The following POU6F2 variants were observed in gnomAD, a reference collection of about 807,000 sequenced individuals.
POU6F2 encodes POU class 6 homeobox 2.
Under a neutral mutation model 71.3 loss-of-function variants are expected in POU6F2, and 31 were observed. The observed-to-expected ratio is 0.43, with a 90% confidence interval of 0.33 to 0.59. POU6F2 has a LOEUF of 0.59. POU6F2 is among the 20% of genes least tolerant of loss of function. The pLI, the probability that POU6F2 is intolerant of heterozygous loss-of-function variation, is 0.04. For missense variants in POU6F2, 783 were observed against 856.8 expected (o/e 0.91, Z 1.07); for synonymous variants, 347 against 355.7 (o/e 0.98, Z 0.27).
chr7:39,226,685 T>C (rs1212913151), intron 4 of POU6F2, among the ~76,000 whole-genome samples: 1 of 152,204 alleles, frequency 6.6e-6, no homozygotes, highest in Non-Finnish European at 1.5e-5. Flanking sequence ...ATTTATATCT[T>C]CCTGAAAGTA....
chr7:39,027,044 T>C (rs1584506860), intron 1 of POU6F2, among the ~76,000 whole-genome samples: 1 of 152,168 alleles, frequency 6.6e-6, no homozygotes, highest in African/African-American at 2.4e-5. Flanking sequence ...AACTTTCTGA[T>C]GATTGAAAGT....
chr7:39,397,641 C>T lies in POU6F2; in HGVS notation c.973-8959C>T, dbSNP rs369056356. On this transcript the variant is annotated intron_variant, in intron 5 of 9. Coordinates refer to ENST00000518318, the MANE Select transcript of POU6F2 (RefSeq NM_001370959.1). ...CCGAGTAGCTAGGATTACAGGCACA[C>T]GCCACCACACCCAGCTAAATTTTGT... Among the ~76,000 whole-genome samples, 30 of 142,458 alleles carry T rather than the reference C, an allele frequency of 2.1e-4. No individual in the cohort carries two copies. The East Asian group carries it at 3.6e-3, about 17-fold the overall frequency. 93.5% of individuals were successfully genotyped at this position (142,458 alleles called of 152,430 possible).
intron 2 of POU6F2, among the ~76,000 whole-genome samples, chr7:39,182,359 T>C (rs1369769374): frequency 3.3e-5 from 5 of 152,236 alleles, no homozygotes; most frequent in Non-Finnish European, 7.3e-5. Context: ...ATCTAACCTG[T>C]TTTGCCTGTT....
chr7:39,438,363 T>G (rs891337636), intron 7 of POU6F2, among the ~76,000 whole-genome samples: 8 of 152,206 alleles, frequency 5.3e-5, no homozygotes, highest in African/African-American at 1.9e-4. Context: ...ACATTTGGGT[T>G]GTTCCAAGTC....
chr7:39,280,043 C>A (rs555453654), intron 4 of POU6F2, among the ~76,000 whole-genome samples: 2 of 152,166 alleles, frequency 1.3e-5, no homozygotes, highest in African/African-American at 4.8e-5. Flanking sequence ...CCGTGCCCAG[C>A]CCAAATTTTC....
At chr7:39,054,182 A>T (rs1400482167) in intron 1 of POU6F2, among the ~76,000 whole-genome samples, 1 of 152,156 alleles carries the variant, frequency 6.6e-6, no homozygotes, top group Non-Finnish European at 1.5e-5. Flanking sequence ...TTAGTATCAA[A>T]ACTACCACAA....
At chr7:39,428,280 CTT>C (rs1165952571) in intron 6 of POU6F2, among the ~76,000 whole-genome samples, 1 of 152,142 alleles carries the variant, frequency 6.6e-6, no homozygotes, top group African/African-American at 2.4e-5. Context: ...GACTTATGCT[CTT>C]AACTCATTTA....
chr7:39,129,205 G>T (rs753871294), intron 2 of POU6F2, among the ~76,000 whole-genome samples: 2 of 152,148 alleles, frequency 1.3e-5, no homozygotes, highest in Non-Finnish European at 2.9e-5. Flanking sequence ...TTAGGAGAAT[G>T]GCTTTCTCCT....
intron 4 of POU6F2, among the ~76,000 whole-genome samples, chr7:39,319,160 T>C (rs560352251): frequency 2.0e-5 from 3 of 152,148 alleles, no homozygotes; most frequent in Non-Finnish European, 4.4e-5. Context: ...CCAATTTGAT[T>C]TGAGGTTTCA....
intron 1 of POU6F2, among the ~76,000 whole-genome samples, chr7:38,995,171 T>C (rs1338934821): frequency 2.0e-5 from 3 of 152,234 alleles, no homozygotes; most frequent in African/African-American, 7.2e-5. Flanking sequence ...AAGTACTAAG[T>C]TGCTTTCCAG....
At chr7:38,981,931 CA>C (rs1409739628) in intron 1 of POU6F2, among the ~76,000 whole-genome samples, 1 of 152,128 alleles carries the variant, frequency 6.6e-6, no homozygotes, top group Non-Finnish European at 1.5e-5. Context: ...GTTATAGCAT[CA>C]AAACAATTAA....
At chr7:39,256,137 CTTT>C (rs36038117) in intron 4 of POU6F2, among the ~76,000 whole-genome samples, 2 of 147,748 alleles carry the variant, frequency 1.4e-5, no homozygotes, top group Non-Finnish European at 3.0e-5. Flanking sequence ...TGATACACTG[CTTT>C]TTTTTTTTTT....
Position 39,068,490 on chromosome 7 carries a change from C to CATATATATATATATATATATATATAT in POU6F2, c.106-17353_106-17352insTATATATATATATATATATATATATA, listed in dbSNP as rs3057275. Among the ~76,000 whole-genome samples the CATATATATATATATATATATATATAT allele has an allele frequency of 7.8e-3, 1,138 of 146,126 alleles. 22 individuals are homozygous for CATATATATATATATATATATATATAT. The highest frequency in any genetic ancestry group is 0.019 in the African/African-American group (730 of 38,172). ...AGATTATATATACACCTAGTACATG[C>CATATATATATATATATATATATATAT]ATATATATATATATATAATTTTCAT... On this transcript the variant is annotated intron_variant, in intron 1 of 9. Transcript: ENST00000518318.
At chr7:39,096,250 G>A (rs972940953) in intron 2 of POU6F2, among the ~76,000 whole-genome samples, 117 of 152,192 alleles carry the variant, frequency 7.7e-4, no homozygotes, top group African/African-American at 2.6e-3. Context: ...GTCACTTGCC[G>A]ACGACCTGCC....
chr7:39,151,424 A>G (rs1792757260), intron 2 of POU6F2, among the ~76,000 whole-genome samples: 2 of 152,190 alleles, frequency 1.3e-5, no homozygotes, highest in Admixed American at 1.3e-4. Flanking sequence ...TGACTTAGTC[A>G]TCTCACCATC....
chr7:39,151,551 A>C (rs1212789173), intron 2 of POU6F2, among the ~76,000 whole-genome samples: 2 of 152,052 alleles, frequency 1.3e-5, no homozygotes, highest in African/African-American at 4.8e-5. Flanking sequence ...TCGTGCAGAG[A>C]TTTCTATGAT....
intron 1 of POU6F2, among the ~76,000 whole-genome samples, chr7:38,989,352 ATTAT>A (rs1788541104): frequency 2.0e-5 from 3 of 152,148 alleles, no homozygotes; most frequent in East Asian, 1.9e-4. Flanking sequence ...TTAAATAATA[ATTAT>A]TTAATTGTTT....
chr7:39,446,724 T>C (rs1788531717), intron 7 of POU6F2, among the ~76,000 whole-genome samples: 1 of 152,242 alleles, frequency 6.6e-6, no homozygotes, highest in South Asian at 2.1e-4. Context: ...CATCCTGTGC[T>C]CCATTTGTCA....
intron 4 of POU6F2, among the ~76,000 whole-genome samples, chr7:39,263,661 A>G (rs1784183503): frequency 1.0e-5 from 1 of 97,186 alleles, no homozygotes; most frequent in Non-Finnish European, 2.2e-5. Flanking sequence ...ATGCGTGTTC[A>G]CGCACACACA....
Sources: allele counts gnomAD v4.1 joint callset (sites outside exome capture counted in the v4.1 genomes callset), GRCh38; gene constraint gnomAD v4.1.1; transcripts MANE v1.5; gene names NCBI Gene and HGNC (gene_info 2026-07-23, HGNC 2026-07-21).